KCNB2: variants seen among roughly 807,000 people sequenced by gnomAD.
The protein encoded by KCNB2 is potassium voltage-gated channel subfamily B member 2, also known as delayed rectifier potassium channel protein.
KCNB2 carries 15 observed loss-of-function variants against 61.5 expected under a neutral mutation model. That is an observed-to-expected ratio of 0.24 (90% CI 0.16 to 0.38). The LOEUF is 0.38. KCNB2 is among the 10% of genes least tolerant of loss of function. The probability of loss-of-function intolerance (pLI) is 1.00; values close to 1 mark genes in which losing one functional copy is unlikely to be tolerated. For synonymous variants in KCNB2, 457 were observed against 446.0 expected (o/e 1.02, Z -0.31); for missense variants, 828 against 1,125.2 (o/e 0.74, Z 3.78).
In KCNB2 at chr8:72,624,544, C is replaced by T. The variant is rs139665579; in HGVS notation, c.579+56231C>T. Reference sequence around the variant, plus strand: ...GATATGGGTTTTTTTTTTCATTGAACAAGGAATGGAAAATATGCTAATTAT... The same window carrying T: ...GATATGGGTTTTTTTTTTCATTGAATAAGGAATGGAAAATATGCTAATTAT... On this transcript the variant is annotated intron_variant, in intron 2 of 2. Transcript: ENST00000523207. Among the ~76,000 whole-genome samples the T allele has an allele frequency of 5.5e-4, 84 of 151,470 alleles. 1 individual carries two copies. The highest frequency in any genetic ancestry group is 1.9e-3 in the African/African-American group (80 of 41,274).
chr8:72,928,191 C>CTTTTTTT (rs879676235), intron 2 of KCNB2, among the ~76,000 whole-genome samples: 1 of 134,904 alleles, frequency 7.4e-6, no homozygotes, highest in African/African-American at 2.9e-5. Flanking sequence ...CACTTTCTTT[C>CTTTTTTT]TTTTTTTTTT....
chr8:72,639,531 C>A (rs904171004), intron 2 of KCNB2, among the ~76,000 whole-genome samples: 2 of 152,108 alleles, frequency 1.3e-5, no homozygotes, highest in Non-Finnish European at 2.9e-5. Flanking sequence ...TTCTTTTCTG[C>A]CTCTCACCCA....
Position 72,863,818 on chromosome 8 carries a change from T to G in KCNB2, c.580-72117T>G, listed in dbSNP as rs190030462. Among the ~76,000 whole-genome samples, 961 of 152,238 alleles carry G rather than the reference T, an allele frequency of 6.3e-3. 7 individuals are homozygous for G. Among genetic ancestry groups the G allele is most frequent in the Non-Finnish European group, 0.011 (719 of 68,018 alleles). ...TGAGCCATGGAGTTCAGGACCAGCC[T>G]GGGCAACATGGCGAAACCTCGTCTC... On this transcript the variant is annotated intron_variant, in intron 2 of 2. Coordinates refer to ENST00000523207, the MANE Select transcript of KCNB2 (RefSeq NM_004770.3).
At chr8:72,567,300 AG>A (rs1364091661) in intron 1 of KCNB2, among the ~76,000 whole-genome samples, 1 of 152,084 alleles carries the variant, frequency 6.6e-6, no homozygotes, top group Non-Finnish European at 1.5e-5. Context: ...TCACAGAGAG[AG>A]ACCTGTCTCA....
At chr8:72,913,331 T>C (rs76436410) in intron 2 of KCNB2, among the ~76,000 whole-genome samples, 249 of 152,316 alleles carry the variant, frequency 1.6e-3, no homozygotes, top group Middle Eastern at 0.01. Context: ...TCATTTGAAA[T>C]GTGTTGGATA....
At chr8:72,613,992 G>A (rs1267260340) in intron 2 of KCNB2, among the ~76,000 whole-genome samples, 4 of 152,142 alleles carry the variant, frequency 2.6e-5, no homozygotes, top group Non-Finnish European at 5.9e-5. Flanking sequence ...CATAAATGTG[G>A]ACGATCTAAA....
chr8:72,904,574 A>G (rs1366303262), intron 2 of KCNB2, among the ~76,000 whole-genome samples: 1 of 152,170 alleles, frequency 6.6e-6, no homozygotes, highest in Non-Finnish European at 1.5e-5. Context: ...TAACAATTAG[A>G]CAAGAGAAAG....
At chr8:72,871,092 C>T (rs1289057804) in intron 2 of KCNB2, among the ~76,000 whole-genome samples, 2 of 152,184 alleles carry the variant, frequency 1.3e-5, no homozygotes, top group African/African-American at 4.8e-5. Context: ...TTGAGCCAGA[C>T]AATTAAATTT....
chr8:72,709,809 T>C (rs1807295495), intron 2 of KCNB2, among the ~76,000 whole-genome samples: 1 of 152,076 alleles, frequency 6.6e-6, no homozygotes, highest in South Asian at 2.1e-4. Context: ...TCTTGCAGTC[T>C]CCAAGCTTTC....
intron 2 of KCNB2, among the ~76,000 whole-genome samples, chr8:72,702,961 C>T (rs1180827487): frequency 1.3e-5 from 2 of 152,156 alleles, no homozygotes; most frequent in Admixed American, 1.3e-4. Context: ...GTGACCTGGA[C>T]CCACCTGCAG....
At chr8:72,543,481 G>T (rs765622671) in intron 1 of KCNB2, among the ~76,000 whole-genome samples, 3 of 152,150 alleles carry the variant, frequency 2.0e-5, no homozygotes, top group Admixed American at 6.5e-5. Context: ...TATATTCATT[G>T]AGTGTGACAG....
At chr8:72,591,328 A>G (rs1201046905) in intron 2 of KCNB2, among the ~76,000 whole-genome samples, 4 of 152,186 alleles carry the variant, frequency 2.6e-5, no homozygotes, top group Non-Finnish European at 2.9e-5. Context: ...AGGGCATCCA[A>G]TAGGATATTA....
At chr8:72,822,515 T>C (rs1809528252) in intron 2 of KCNB2, among the ~76,000 whole-genome samples, 1 of 152,200 alleles carries the variant, frequency 6.6e-6, no homozygotes, top group Non-Finnish European at 1.5e-5. Flanking sequence ...TCAGCATCTC[T>C]CACTCACTGT....
At chr8:72,906,589 A>C (rs1806181263) in intron 2 of KCNB2, among the ~76,000 whole-genome samples, 1 of 152,194 alleles carries the variant, frequency 6.6e-6, no homozygotes. Context: ...CTTAGAGTAG[A>C]AGTTGGTTTG....
At chr8:72,722,703 C>G (rs1807571784) in intron 2 of KCNB2, among the ~76,000 whole-genome samples, 2 of 152,204 alleles carry the variant, frequency 1.3e-5, no homozygotes, top group Admixed American at 6.5e-5. Flanking sequence ...TTAAAGCACA[C>G]TTTGCTCTAG....
intron 2 of KCNB2, among the ~76,000 whole-genome samples, chr8:72,920,868 G>A (rs1027213340): frequency 2.0e-5 from 3 of 151,932 alleles, no homozygotes; most frequent in African/African-American, 7.3e-5. Context: ...GTCAATAAAA[G>A]ATCAAAAATA....
At chr8:72,684,646 A>G (rs962265378) in intron 2 of KCNB2, among the ~76,000 whole-genome samples, 1 of 152,202 alleles carries the variant, frequency 6.6e-6, no homozygotes, top group African/African-American at 2.4e-5. Context: ...AAGCCCTAGT[A>G]TAGTATATCC....
chr8:72,701,490 A>G (rs1240928825), intron 2 of KCNB2, among the ~76,000 whole-genome samples: 2 of 152,220 alleles, frequency 1.3e-5, no homozygotes, highest in Non-Finnish European at 1.5e-5. Context: ...TTGATACTGC[A>G]GAGATGCAGT....
intron 2 of KCNB2, among the ~76,000 whole-genome samples, chr8:72,836,388 G>A (rs13253454): frequency 0.18 from 27,538 of 152,266 alleles, 3,265 homozygotes; most frequent in Non-Finnish European, 0.27. Context: ...GAAAATGGAA[G>A]TATTTTTCAA....
Sources: allele counts gnomAD v4.1 joint callset (sites outside exome capture counted in the v4.1 genomes callset), GRCh38; gene constraint gnomAD v4.1.1; transcripts MANE v1.5; gene names NCBI Gene and HGNC (gene_info 2026-07-23, HGNC 2026-07-21).